The following CAB39L variants were observed in gnomAD, a reference collection of about 807,000 sequenced individuals.
The protein encoded by CAB39L is calcium binding protein 39 like.
CAB39L carries 23 observed loss-of-function variants against 39.1 expected under a neutral mutation model. The observed-to-expected ratio is 0.59, with a 90% CI of 0.42 to 0.83. The LOEUF (loss-of-function observed/expected upper bound fraction) is 0.83. CAB39L is among the 40% of genes least tolerant of loss of function. The probability of loss-of-function intolerance (pLI) is 0.00; values close to 1 mark genes in which losing one functional copy is unlikely to be tolerated. For synonymous variants in CAB39L, 126 were observed against 137.2 expected (o/e 0.92, Z 0.57); for missense variants, 366 against 391.9 (o/e 0.93, Z 0.56).
intron 3 of CAB39L, among the ~76,000 whole-genome samples, chr13:49,406,673 G>A (rs569353951): frequency 6.6e-6 from 1 of 151,716 alleles, no homozygotes; most frequent in South Asian, 2.1e-4. Flanking sequence ...TGAAAAAAAA[G>A]TCACTCCAAA....
At chr13:49,338,111 C>A (rs1361087398) in intron 9 of CAB39L, among the ~76,000 whole-genome samples, 4 of 152,256 alleles carry the variant, frequency 2.6e-5, no homozygotes, top group African/African-American at 9.6e-5. Context: ...GATTCTGTTT[C>A]AGTGTAATCC....
intron 7 of CAB39L, among the ~76,000 whole-genome samples, chr13:49,347,230 T>C (rs1955206913): frequency 6.6e-6 from 1 of 152,226 alleles, no homozygotes; most frequent in South Asian, 2.1e-4. Flanking sequence ...TTTTAAAGGA[T>C]TGACTTAAAT....
chr13:49,389,365 G>A (rs1373102352), intron 3 of CAB39L, among the ~76,000 whole-genome samples: 1 of 152,206 alleles, frequency 6.6e-6, no homozygotes, highest in Admixed American at 6.5e-5. Context: ...TACAGGCTGG[G>A]TGCGGTGGCT....
intron 2 of CAB39L, among the ~76,000 whole-genome samples, 180 bp from the exon 3 acceptor site, chr13:49,433,573 T>C (rs934668159): frequency 1.6e-4 from 24 of 152,200 alleles, no homozygotes; most frequent in Non-Finnish European, 8.8e-5. Flanking sequence ...GGCAGACCTT[T>C]CAAACAGTAG....
intron 3 of CAB39L, among the ~76,000 whole-genome samples, chr13:49,414,828 T>C (rs560100850): frequency 5.3e-5 from 8 of 152,278 alleles, no homozygotes; most frequent in Admixed American, 5.2e-4. Context: ...TTTTCTACAA[T>C]AGCATTTATA....
At chr13:49,391,281 C>A (rs1039778321) in intron 3 of CAB39L, among the ~76,000 whole-genome samples, 20 of 152,030 alleles carry the variant, frequency 1.3e-4, no homozygotes, top group Middle Eastern at 3.4e-3. Flanking sequence ...TGAGGGCAAA[C>A]TAAAATTACC....
chr13:49,356,780 A>G (rs1474286793), intron 6 of CAB39L, among the ~76,000 whole-genome samples: 2 of 152,188 alleles, frequency 1.3e-5, no homozygotes, highest in East Asian at 3.8e-4. Flanking sequence ...AAATGGTAAC[A>G]GGGGCTGGGT....
intron 9 of CAB39L, among the ~76,000 whole-genome samples, chr13:49,334,984 C>A (rs1470531683): frequency 6.6e-6 from 1 of 152,034 alleles, no homozygotes; most frequent in Non-Finnish European, 1.5e-5. Context: ...CTCTGACAAG[C>A]AAATAGTTGG....
chr13:49,357,112 C>G (rs1023982396), intron 6 of CAB39L, among the ~76,000 whole-genome samples: 5 of 152,056 alleles, frequency 3.3e-5, no homozygotes, highest in Non-Finnish European at 5.9e-5. Flanking sequence ...TTCCACTACC[C>G]TGTCCTCAGG....
chr13:49,384,357 T>C (rs1956311678), intron 3 of CAB39L, among the ~76,000 whole-genome samples: 1 of 152,194 alleles, frequency 6.6e-6, no homozygotes, highest in African/African-American at 2.4e-5. Context: ...TCCACCATAT[T>C]GGCAGTTACT....
chr13:49,364,648 A>G (rs1017168226), intron 5 of CAB39L, among the ~76,000 whole-genome samples: 1 of 152,226 alleles, frequency 6.6e-6, no homozygotes, highest in Admixed American at 6.5e-5. Context: ...ATATGCTAAC[A>G]GTGAACAATC....
In CAB39L at chr13:49,309,475, T is replaced by A. The variant is rs1445319977; in HGVS notation, c.*1339A>T. 6.6e-6 allele frequency: 1 copy of A among 152,196 alleles called. No homozygotes were observed. The highest frequency in any genetic ancestry group is 1.5e-5 in the Non-Finnish European group (1 of 68,038). 9.4% of individuals were successfully genotyped at this position (152,196 alleles called of 1,614,324 possible). A position where few individuals can be genotyped will look rare whatever the true frequency, so the allele number is the denominator to read the frequency against. On this transcript the variant is annotated 3_prime_UTR_variant, in exon 11 of 11. Coordinates refer to ENST00000409308, the MANE Select transcript of CAB39L (RefSeq NM_001079670.3). ...ACTCAAGTAATGTATAAGGGAGGGTTCCTGTGGAAGGCAACGATTCATGAT... is the reference window on the plus strand; with the variant it reads ...ACTCAAGTAATGTATAAGGGAGGGTACCTGTGGAAGGCAACGATTCATGAT...
At chr13:49,327,776 A>G (rs952972251) in intron 10 of CAB39L, among the ~76,000 whole-genome samples, 5 of 152,194 alleles carry the variant, frequency 3.3e-5, no homozygotes, top group Non-Finnish European at 5.9e-5. Context: ...ATTTTAACCC[A>G]TTATTATGTG....
chr13:49,316,685 A>G lies in CAB39L; in HGVS notation c.835-5692T>C, dbSNP rs1336331153. 2.6e-5 allele frequency among the ~76,000 whole-genome samples: 4 copies of G among 152,224 alleles called. 1 individual carries two copies. The South Asian group carries it at 6.2e-4, about 24-fold the overall frequency. ...TGGTTCAACATAAGCAAATCAATCAATGTAACACATCACATGTACTGGGTT... is the reference window on the plus strand; with the variant it reads ...TGGTTCAACATAAGCAAATCAATCAGTGTAACACATCACATGTACTGGGTT... On this transcript the variant is annotated intron_variant, in intron 10 of 10. Coordinates refer to ENST00000409308, the MANE Select transcript of CAB39L (RefSeq NM_001079670.3).
At chr13:49,324,366 T>C (rs1251701003) in intron 10 of CAB39L, among the ~76,000 whole-genome samples, 1 of 151,952 alleles carries the variant, frequency 6.6e-6, no homozygotes, top group Non-Finnish European at 1.5e-5. Flanking sequence ...AAAAAGAACA[T>C]ACATATTAAT....
At chr13:49,371,793 T>C (rs1955925727) in intron 5 of CAB39L, among the ~76,000 whole-genome samples, 2 of 152,056 alleles carry the variant, frequency 1.3e-5, no homozygotes. Context: ...GGTTTTGCCA[T>C]GTTGCCCAGG....
chr13:49,317,970 C>G (rs1042398997), intron 10 of CAB39L, among the ~76,000 whole-genome samples: 8 of 151,974 alleles, frequency 5.3e-5, no homozygotes, highest in Non-Finnish European at 1.2e-4. Context: ...AGACATTTCT[C>G]CAAAAAAGAT....
At chr13:49,428,771 T>C (rs545167861) in intron 3 of CAB39L, among the ~76,000 whole-genome samples, 2 of 152,304 alleles carry the variant, frequency 1.3e-5, no homozygotes, top group East Asian at 3.9e-4. Context: ...AAAATAAGTA[T>C]GTGGCATTTT....
chr13:49,415,802 G>A (rs9526561), intron 3 of CAB39L, among the ~76,000 whole-genome samples: 82,910 of 151,890 alleles, frequency 0.55, 22,742 homozygotes, highest in South Asian at 0.64. Flanking sequence ...CTTTGTACAC[G>A]GTAGGCACTC....
Sources: allele counts gnomAD v4.1 joint callset (sites outside exome capture counted in the v4.1 genomes callset), GRCh38; gene constraint gnomAD v4.1.1; transcripts MANE v1.5; gene names NCBI Gene and HGNC (gene_info 2026-07-23, HGNC 2026-07-21).